AFF3: variants seen among roughly 807,000 people sequenced by gnomAD.
AFF3 encodes AF4/FMR2 family member 3.
A neutral mutation model predicts 129.7 loss-of-function variants in AFF3; 32 were observed. The ratio of observed to expected loss-of-function variants is 0.25; its 90% CI spans 0.19 to 0.33. The LOEUF (loss-of-function observed/expected upper bound fraction) is 0.33, where lower values mean the gene tolerates loss of function less well. Ranked by LOEUF, AFF3 falls within the 10% of genes least tolerant of loss-of-function variation. AFF3 has a pLI of 1.00. For synonymous variants in AFF3, 644 were observed against 635.4 expected, an observed-to-expected ratio of 1.01 and a Z score of -0.20; for missense variants, 1,373 against 1,592.0, an observed-to-expected ratio of 0.86 and a Z score of 2.34.
At chr2:99,686,406 T>C (rs1331615114) in intron 11 of AFF3, among the ~76,000 whole-genome samples, 1 of 152,218 alleles carries the variant, frequency 6.6e-6, no homozygotes, top group Non-Finnish European at 1.5e-5. Context: ...CATACTCCCA[T>C]GTAGACTATT....
intron 15 of AFF3, among the ~76,000 whole-genome samples, chr2:99,591,472 C>A (rs894235729): frequency 1.2e-4 from 19 of 152,208 alleles, no homozygotes; most frequent in Admixed American, 4.6e-4. Flanking sequence ...GAGGCTTGAG[C>A]CACCGTACCC....
At chr2:99,552,886 A>G (rs1433629888) in intron 24 of AFF3, among the ~76,000 whole-genome samples, 1 of 152,126 alleles carries the variant, frequency 6.6e-6, no homozygotes, top group East Asian at 1.9e-4. Flanking sequence ...TCCACTGGTG[A>G]CACCCACCCC....
chr2:99,793,579 GC>G (rs773612121), intron 8 of AFF3, among the ~76,000 whole-genome samples: 17 of 152,232 alleles, frequency 1.1e-4, no homozygotes, highest in Non-Finnish European at 1.2e-4. Context: ...GTTAACAGCA[GC>G]CCTTTATTTA....
At chr2:100,106,147 T>C in intron 2 of AFF3, 2 of 1,228,908 alleles carry the variant, frequency 1.6e-6, no homozygotes, top group South Asian at 2.9e-5. Flanking sequence ...TCAGCCTGGC[T>C]CCCTTCTTCC....
intron 9 of AFF3, 29 bp downstream of exon 9, chr2:99,752,192 T>C: frequency 1.3e-6 from 2 of 1,576,370 alleles, no homozygotes; most frequent in Non-Finnish European, 1.7e-6. Context: ...GAGTGAAACA[T>C]ATTCCTCCTG....
intron 7 of AFF3, among the ~76,000 whole-genome samples, chr2:99,927,477 A>T (rs1383356866): frequency 6.6e-6 from 1 of 152,188 alleles, no homozygotes; most frequent in Non-Finnish European, 1.5e-5. Context: ...GAACTCAGGA[A>T]CAGAAGACCA....
At chr2:99,714,875 C>G (rs1056107479) in intron 11 of AFF3, among the ~76,000 whole-genome samples, 1 of 152,186 alleles carries the variant, frequency 6.6e-6, no homozygotes, top group African/African-American at 2.4e-5. Flanking sequence ...AATATTATAT[C>G]AATGCAGGGA....
chr2:99,546,906 T>C lies in AFF3; in HGVS notation c.*4568A>G, dbSNP rs1409235093. On this transcript the variant is annotated 3_prime_UTR_variant, in exon 25 of 25. Coordinates refer to ENST00000672756, the MANE Select transcript of AFF3 (RefSeq NM_001386135.1). ...GCCATTGAGATGACCTTCTCAAGCT[T>C]CCTGTTGAGCCTTCACTGGGACACT... is the stretch of plus-strand genomic sequence containing the variant. The C allele has an allele frequency of 9.0e-6, 2 of 221,010 alleles. No homozygotes were observed. Among genetic ancestry groups the C allele is most frequent in the Non-Finnish European group, 1.8e-5 (2 of 110,442 alleles). 13.7% of individuals were successfully genotyped at this position (221,010 alleles called of 1,614,324 possible). A position where few individuals can be genotyped will look rare whatever the true frequency, so the allele number is the denominator to read the frequency against.
intron 14 of AFF3, among the ~76,000 whole-genome samples, chr2:99,599,709 G>A (rs1305932728): frequency 6.6e-6 from 1 of 152,150 alleles, no homozygotes; most frequent in Non-Finnish European, 1.5e-5. Flanking sequence ...AACAGTTTTT[G>A]GATATCCTCA....
chr2:99,742,491 T>C (rs1575841892), intron 10 of AFF3, among the ~76,000 whole-genome samples: 1 of 152,230 alleles, frequency 6.6e-6, no homozygotes, highest in Non-Finnish European at 1.5e-5. Flanking sequence ...CATCCGTTTT[T>C]ATAGAATCTA....
intron 11 of AFF3, among the ~76,000 whole-genome samples, chr2:99,705,746 C>T (rs992099624): frequency 7.3e-5 from 11 of 151,660 alleles, no homozygotes; most frequent in Admixed American, 6.6e-4. Context: ...TGGTGACGGG[C>T]ACCTGTAATG....
chr2:99,932,817 C>T (rs1674152368), intron 7 of AFF3, among the ~76,000 whole-genome samples: 1 of 152,188 alleles, frequency 6.6e-6, no homozygotes, highest in African/African-American at 2.4e-5. Context: ...GCAAGGTAAA[C>T]AGTTTCCACG....
chr2:99,920,773 A>G (rs1048016751), intron 7 of AFF3, among the ~76,000 whole-genome samples: 1 of 152,046 alleles, frequency 6.6e-6, no homozygotes, highest in Non-Finnish European at 1.5e-5. Context: ...CATCATGTGT[A>G]TGTAAAAAAT....
At chr2:99,937,343 T>C (rs1674608941) in intron 7 of AFF3, among the ~76,000 whole-genome samples, 1 of 152,160 alleles carries the variant, frequency 6.6e-6, no homozygotes, top group Non-Finnish European at 1.5e-5. Flanking sequence ...CAAAGACATT[T>C]AGGAGGATAT....
intron 11 of AFF3, among the ~76,000 whole-genome samples, chr2:99,696,715 G>GGTGCAATCATA (rs1553433109): frequency 2.0e-5 from 3 of 151,836 alleles, no homozygotes; most frequent in Non-Finnish European, 4.4e-5. Flanking sequence ...GGAGTGCAGT[G>GGTGCAATCATA]GCTCACTGCA....
chr2:99,675,016 G>A (rs569627691), intron 11 of AFF3, among the ~76,000 whole-genome samples: 1 of 152,296 alleles, frequency 6.6e-6, no homozygotes, highest in South Asian at 2.1e-4. Flanking sequence ...TGTGTGAGGT[G>A]CACCTCTGGG....
intron 7 of AFF3, among the ~76,000 whole-genome samples, chr2:99,862,105 C>G (rs1691042596): frequency 1.3e-5 from 2 of 152,156 alleles, no homozygotes; most frequent in African/African-American, 4.8e-5. Flanking sequence ...CACCCTTCCC[C>G]AAGACCTCAT....
At chr2:99,796,721 C>T (rs1351316626) in intron 8 of AFF3, among the ~76,000 whole-genome samples, 2 of 151,896 alleles carry the variant, frequency 1.3e-5, no homozygotes, top group African/African-American at 2.4e-5. Context: ...TTCTGAGTGG[C>T]ACAAGTACAT....
chr2:99,626,476 CCT>C (rs1231204699), intron 13 of AFF3, among the ~76,000 whole-genome samples: 52 of 64,004 alleles, frequency 8.1e-4, no homozygotes, highest in African/African-American at 2.3e-3. Context: ...TCCCTCCCTC[CCT>C]CTCCTTCTCT....
Sources: gnomAD v4.1 joint callset for allele counts (sites outside exome capture counted in the v4.1 genomes callset) on GRCh38, gnomAD v4.1.1 for gene constraint, MANE v1.5 for transcripts, NCBI Gene and HGNC (gene_info 2026-07-23, HGNC 2026-07-21) for gene names.